The following CD70 variants were observed in gnomAD, a reference collection of about 807,000 sequenced individuals.
The protein encoded by CD70 is CD70 molecule, also known as CD70 antigen.
In CD70, 6 loss-of-function variants were observed where a neutral mutation model predicts 9.0. That is an observed-to-expected ratio of 0.67 (90% confidence interval 0.37 to 1.32). CD70 has a LOEUF of 1.32. Among genes scored for constraint, CD70 ranks in the 40% most tolerant of loss-of-function variants. The pLI, the probability that CD70 is intolerant of heterozygous loss-of-function variation, is 0.02. For missense variants in CD70, 235 were observed against 258.7 expected (o/e 0.91, Z 0.63); for synonymous variants, 108 against 112.3 (o/e 0.96, Z 0.24).
intron 2 of CD70, among the ~76,000 whole-genome samples, chr19:6,587,236 G>A (rs1300190456): frequency 3.3e-5 from 5 of 150,890 alleles, no homozygotes; most frequent in Non-Finnish European, 7.4e-5. Context: ...GAGAGAGGAC[G>A]AGAGAGCTTG....
At position 6,585,849 on chromosome 19, in the gene CD70, A is replaced by AT; in HGVS notation, c.*170dup. On this transcript the variant is annotated 3_prime_UTR_variant, in exon 3 of 3. Transcript: ENST00000245903. ...GCCACGAAGCCCAGCTGATTTTTGTATTTTTTAATAGGAAAATGAAAGAAA... is the reference window on the plus strand; with the variant it reads ...GCCACGAAGCCCAGCTGATTTTTGTATTTTTTTAATAGGAAAATGAAAGAAA... 2 of 567,450 alleles carry AT rather than the reference A, an allele frequency of 3.5e-6. No individual in the cohort carries two copies. The highest frequency in any genetic ancestry group is 6.2e-6 in the Non-Finnish European group (2 of 323,842). The allele number at this position is 567,450 out of a possible 1,614,324, so 35.2% of individuals were successfully genotyped here. A position where few individuals can be genotyped will look rare whatever the true frequency, so the allele number is the denominator to read the frequency against.
intron 2 of CD70, among the ~76,000 whole-genome samples, chr19:6,589,863 T>C (rs933846648): frequency 2.0e-5 from 3 of 146,536 alleles, no homozygotes; most frequent in African/African-American, 7.6e-5. Context: ...GTCTGTCCCC[T>C]CTGTCCCTCT....
chr19:6,587,951 C>T (rs1169502555), intron 2 of CD70, among the ~76,000 whole-genome samples: 1 of 152,104 alleles, frequency 6.6e-6, no homozygotes, highest in Non-Finnish European at 1.5e-5. Context: ...TGGGCTCAAG[C>T]GATCCTCCCA....
At chr19:6,586,783 G>C (rs1916026201) in intron 2 of CD70, among the ~76,000 whole-genome samples, 1 of 148,486 alleles carries the variant, frequency 6.7e-6, no homozygotes, top group Non-Finnish European at 1.5e-5. Context: ...CTTGGTCACA[G>C]AAACCCTGTC....
chr19:6,587,814 A>G (rs1000340785), intron 2 of CD70, among the ~76,000 whole-genome samples: 5 of 152,000 alleles, frequency 3.3e-5, no homozygotes, highest in Non-Finnish European at 7.4e-5. Flanking sequence ...GGCTCAAGCT[A>G]TCTCCCACCT....
rs1475496514 is a variant in CD70, at chr19:6,590,388, T to C, written c.163-252A>G. On this transcript the variant is annotated intron_variant, in intron 1 of 2. Transcript: ENST00000245903. This position sits in a 1 kb window ranked among gnomAD's most constrained non-coding sequence, Gnocchi z 5.3. The stretch of plus-strand genomic sequence containing the variant: ...TTCTTCGTTTCCCGAATCGTTTTCC[T>C]GGATGTCACTGGGCGCGAGAGCACC... Among the ~76,000 whole-genome samples the C allele has an allele frequency of 6.6e-6, 1 of 152,234 alleles. No individual in the cohort carries two copies. Among genetic ancestry groups the C allele is most frequent in the Non-Finnish European group, 1.5e-5 (1 of 68,040 alleles).
rs937251109 is a variant in CD70 at position 6,586,495 on chromosome 19, G to A, written c.197-90C>T. The stretch of plus-strand genomic sequence containing the variant: ...ATAGAGAAAGTCAGATATAGAGATC[G>A]AGAGTTAGAGATCAAGGAATAGGTT... On this transcript the variant is annotated intron_variant, in intron 2 of 2. Coordinates refer to ENST00000245903, the MANE Select transcript of CD70 (RefSeq NM_001252.5). 7 of 1,333,012 alleles carry A rather than the reference G, an allele frequency of 5.3e-6. No individual in the cohort carries two copies. The East Asian group carries it at 9.6e-5, about 18-fold the overall frequency. The allele number at this position is 1,333,012 out of a possible 1,614,324, so 82.6% of individuals were successfully genotyped here.
downstream of CD70, among the ~76,000 whole-genome samples, chr19:6,582,434 C>T (rs1915936431): frequency 6.6e-6 from 1 of 150,570 alleles, no homozygotes; most frequent in Admixed American, 6.6e-5. Context: ...TATATATGTG[C>T]CGTGTTGGTT....
At chr19:6,583,556 T>TC (rs1915959199), downstream of CD70, 1 of 105,502 alleles carries the variant, frequency 9.5e-6, no homozygotes, top group Non-Finnish European at 1.7e-5. Context: ...TTGTAGTCTT[T>TC]TTTTTTTTTT....
intron 2 of CD70, among the ~76,000 whole-genome samples, chr19:6,587,778 T>C (rs1278725662): frequency 6.6e-6 from 1 of 152,146 alleles, no homozygotes; most frequent in African/African-American, 2.4e-5. Context: ...GGTGCAATCA[T>C]AGCTCACTGC....
In CD70 at chr19:6,590,754, C is replaced by T; in HGVS notation, c.162+87G>A. 1 of 1,227,588 alleles carries T rather than the reference C, an allele frequency of 8.1e-7. No homozygotes were observed. The highest frequency in any genetic ancestry group is 1.2e-6 in the Non-Finnish European group (1 of 850,996). 76.0% of individuals were successfully genotyped at this position (1,227,588 alleles called of 1,614,324 possible). ...TGTCTCTGCCCTACCAGATCTTCCTCTCTGGCCTCTTTGTACCCATCTCAT... is the reference window on the plus strand; with the variant it reads ...TGTCTCTGCCCTACCAGATCTTCCTTTCTGGCCTCTTTGTACCCATCTCAT... On this transcript the variant is annotated intron_variant, in intron 1 of 2. Coordinates refer to ENST00000245903, the MANE Select transcript of CD70 (RefSeq NM_001252.5). This position sits in a 1 kb window ranked among gnomAD's most constrained non-coding sequence, Gnocchi z 5.3.
In CD70 at chr19:6,585,987, T is replaced by G; in HGVS notation, c.*33A>C. ...TCTCTTGAACTTAAATAAAATAAAATAAAATTTAAAAAACCCTAATCAGCA... is the reference window on the plus strand; with the variant it reads ...TCTCTTGAACTTAAATAAAATAAAAGAAAATTTAAAAAACCCTAATCAGCA... On this transcript the variant is annotated 3_prime_UTR_variant, in exon 3 of 3. Transcript: ENST00000245903. The G allele has an allele frequency of 1.3e-6, 2 of 1,493,572 alleles. No homozygotes were observed. The highest frequency in any genetic ancestry group is 1.8e-6 in the Non-Finnish European group (2 of 1,114,676). 92.5% of individuals were successfully genotyped at this position (1,493,572 alleles called of 1,614,324 possible).
chr19:6,590,563 C>T lies in CD70; in HGVS notation c.162+278G>A, dbSNP rs1916134798. Among the ~76,000 whole-genome samples, 1 of 152,182 alleles carries T rather than the reference C, an allele frequency of 6.6e-6. No individual in the cohort carries two copies. The highest frequency in any genetic ancestry group is 2.1e-4 in the South Asian group (1 of 4,832). On this transcript the variant is annotated intron_variant, in intron 1 of 2. Transcript: ENST00000245903. The surrounding 1 kb of genome is among the most constrained non-coding windows in gnomAD (Gnocchi z 5.3). ...AGCCTTGTGAAGCCCCCAGCAGCCT[C>T]TGAGTCAGCCTGCCGGGGGAACACC...
At chr19:6,586,965 T>C (rs1218030472) in intron 2 of CD70, among the ~76,000 whole-genome samples, 3 of 134,476 alleles carry the variant, frequency 2.2e-5, no homozygotes, top group Non-Finnish European at 3.1e-5. Context: ...GGGAGAGATA[T>C]ATAGAGAGAG....
At chr19:6,583,826 CTT>C (rs1915965911), downstream of CD70, among the ~76,000 whole-genome samples, 1 of 121,230 alleles carries the variant, frequency 8.2e-6, no homozygotes, top group Non-Finnish European at 1.7e-5. Flanking sequence ...GAGTTTCGCT[CTT>C]GTCACCCAGG....
chr19:6,585,281 C>T (rs1915991536), downstream of CD70, among the ~76,000 whole-genome samples: 1 of 151,902 alleles, frequency 6.6e-6, no homozygotes, highest in Non-Finnish European at 1.5e-5. Context: ...CTTTGAGAGA[C>T]AGTCACCCAA....
chr19:6,587,855 C>G (rs773178647), intron 2 of CD70, among the ~76,000 whole-genome samples: 1 of 151,924 alleles, frequency 6.6e-6, no homozygotes, highest in Non-Finnish European at 1.5e-5. Flanking sequence ...AGGTGGCATG[C>G]GCCACCATGA....
intron 2 of CD70, among the ~76,000 whole-genome samples, chr19:6,589,794 CT>C (rs1432904439): frequency 6.6e-6 from 1 of 151,342 alleles, no homozygotes; most frequent in Non-Finnish European, 1.5e-5. Context: ...CCCTCCCTCC[CT>C]CTTCCACTCT....
In CD70 at chr19:6,586,105, G is replaced by A. The variant is rs781260683; in HGVS notation, c.497C>T (p.Thr166Ile). ...QRLTPLARGD[T>I]LCTNLTGTLL... is the part of the protein sequence containing the mutation. Reference sequence around the variant, plus strand: ...TGTCCCAGTGAGGTTGGTGCAGAGTGTGTCCCCTCGGGCCAGGGGCGTCAG... The same window carrying A: ...TGTCCCAGTGAGGTTGGTGCAGAGTATGTCCCCTCGGGCCAGGGGCGTCAG... The change falls in exon 3 of 3, where the codon ACA becomes ATA. Residue 166 changes from threonine (T) to isoleucine (I), a missense_variant. Transcript: ENST00000245903. The A allele has an allele frequency of 2.0e-5, 33 of 1,613,974 alleles. No homozygotes were observed. The South Asian group carries it at 3.5e-4, about 17-fold the overall frequency.
Sources: gnomAD v4.1 joint callset for allele counts (sites outside exome capture counted in the v4.1 genomes callset) on GRCh38, gnomAD v4.1.1 for gene constraint, Gnocchi (gnomAD v3.1) non-coding constraint, MANE v1.5 for transcripts, NCBI Gene and HGNC (gene_info 2026-07-23, HGNC 2026-07-21) for gene names.